The following MASP1 variants were observed in gnomAD, a reference collection of about 807,000 sequenced individuals.
MASP1 encodes MBL associated serine protease 1.
Under a neutral mutation model 77.1 loss-of-function variants are expected in MASP1, and 59 were observed. The ratio of observed to expected loss-of-function variants is 0.77; its 90% CI spans 0.62 to 0.95. The LOEUF is 0.95. Ranked by LOEUF, MASP1 falls within the 40% of genes least tolerant of loss-of-function variation. The pLI, the probability that MASP1 is intolerant of heterozygous loss-of-function variation, is 0.00. For synonymous variants in MASP1, 362 were observed against 354.5 expected (o/e 1.02, Z -0.24); for missense variants, 885 against 912.9 (o/e 0.97, Z 0.39).
In MASP1 at chr3:187,253,220, A is replaced by G. The variant is rs1714772664; in HGVS notation, c.840T>C (p.His280=). ...TQSHSVLILF[H]SDNSGENRGW... Reference sequence around the variant, plus strand: ...CCCGGTTCTCTCCCGAGTTGTCACTATGGAACAGGATCAGGACACTGTGGC... The same window carrying G: ...CCCGGTTCTCTCCCGAGTTGTCACTGTGGAACAGGATCAGGACACTGTGGC... Residue 280 remains histidine, a synonymous_variant, in exon 6 of 11, where the codon CAT becomes CAC. Transcript: ENST00000296280. 3 of 1,614,156 alleles carry G rather than the reference A, an allele frequency of 1.9e-6. No homozygotes were observed. The highest frequency in any genetic ancestry group is 1.1e-5 in the South Asian group (1 of 91,080).
At chr3:187,247,042 TC>T in intron 8 of MASP1, 2 of 1,312,354 alleles carry the variant, frequency 1.5e-6, no homozygotes, top group Non-Finnish European at 9.7e-7. Flanking sequence ...ATTTTTTTTT[TC>T]CGTTGAGAAA....
At chr3:187,261,296 C>T (rs771189724) in intron 3 of MASP1, among the ~76,000 whole-genome samples, 10 of 152,194 alleles carry the variant, frequency 6.6e-5, no homozygotes, top group African/African-American at 1.2e-4. Flanking sequence ...TAATAAGTGG[C>T]AGACCCAGGA....
chr3:187,285,186 T>C (rs1221571515), intron 2 of MASP1, among the ~76,000 whole-genome samples: 1 of 152,038 alleles, frequency 6.6e-6, no homozygotes, highest in African/African-American at 2.4e-5. Context: ...TTCTCTAAAT[T>C]CCAGGGTATA....
chr3:187,230,760 C>A (rs749213055), downstream of MASP1, among the ~76,000 whole-genome samples: 6 of 152,188 alleles, frequency 3.9e-5, no homozygotes, highest in Non-Finnish European at 5.9e-5. Flanking sequence ...CTAAAGAAAC[C>A]AAGGCCTGGA....
At chr3:187,256,990 T>C in intron 4 of MASP1, 130 bp from the exon 5 acceptor site, 5 of 775,350 alleles carry the variant, frequency 6.4e-6, no homozygotes, top group Non-Finnish European at 1.1e-5. Context: ...ATCTCCATTT[T>C]ACAGATGGGA....
intron 15 of MASP1, among the ~76,000 whole-genome samples, chr3:187,220,750 G>A (rs901389529): frequency 6.6e-6 from 1 of 151,972 alleles, no homozygotes. Flanking sequence ...CACCCGCCTC[G>A]GCCTCCCAAA....
intron 2 of MASP1, among the ~76,000 whole-genome samples, chr3:187,267,545 A>G (rs1716143017): frequency 6.6e-6 from 1 of 152,254 alleles, no homozygotes; most frequent in Non-Finnish European, 1.5e-5. Context: ...ATACAGAGAA[A>G]GAAATGTGTA....
downstream of MASP1, among the ~76,000 whole-genome samples, chr3:187,233,047 CCCT>C (rs1712866107): frequency 6.6e-6 from 1 of 152,144 alleles, no homozygotes; most frequent in Admixed American, 6.5e-5. Flanking sequence ...TTTAAACTGC[CCCT>C]CCTCCTGTCT....
At chr3:187,258,794 G>A (rs901310600) in intron 4 of MASP1, among the ~76,000 whole-genome samples, 1 of 152,194 alleles carries the variant, frequency 6.6e-6, no homozygotes, top group Non-Finnish European at 1.5e-5. Flanking sequence ...TAATTTGGCT[G>A]TTTCTGTACC....
In MASP1 at chr3:187,239,152, G is replaced by A. The variant is rs1343049589; in HGVS notation, c.1303+2329C>T. On this transcript the variant is annotated intron_variant, in intron 10 of 10. Coordinates refer to ENST00000296280, the MANE Select transcript of MASP1 (RefSeq NM_139125.4). ...GAGGTGGGGAGTTCGAGACCAGCCT[G>A]ACCAACATAGAGAAACCCCGTCTCT... 2.0e-5 allele frequency among the ~76,000 whole-genome samples: 3 copies of A among 148,552 alleles called. No individual in the cohort carries two copies. The East Asian group carries it at 5.9e-4, about 29-fold the overall frequency.
chr3:187,286,027 A>G lies in MASP1; in HGVS notation c.35T>C (p.Phe12Ser), dbSNP rs769793750. 14 of 1,614,164 alleles carry G rather than the reference A, an allele frequency of 8.7e-6. No individual in the cohort carries two copies. Among genetic ancestry groups the G allele is most frequent in the Non-Finnish European group, 1.2e-5 (14 of 1,179,998 alleles). Reference protein sequence around the residue: ...RWLLLYYALCFSLSKASAHTV... With the variant: ...RWLLLYYALCSSLSKASAHTV... ...GTGGGCTGAAGCCTTTGACAGGGAG[A>G]AGCACAGAGCATAATAGAGAAGCAG... The change falls in exon 2 of 11, where the codon TTC (phenylalanine) becomes TCC (serine). Residue 12 changes from phenylalanine to serine, a missense_variant. Coordinates refer to ENST00000296280, the MANE Select transcript of MASP1 (RefSeq NM_139125.4).
intron 1 of MASP1, among the ~76,000 whole-genome samples, chr3:187,289,002 T>C (rs1004597147): frequency 6.6e-6 from 1 of 152,170 alleles, no homozygotes; most frequent in African/African-American, 2.4e-5. Context: ...AATTGAAGAA[T>C]ATAAGTGGCA....
downstream of MASP1, among the ~76,000 whole-genome samples, chr3:187,232,514 C>T (rs764555367): frequency 2.6e-4 from 40 of 152,158 alleles, no homozygotes; most frequent in Non-Finnish European, 3.7e-4. Context: ...ATCCACCCTT[C>T]ACTAACCTTC....
chr3:187,287,597 A>T (rs1388025163), intron 1 of MASP1, among the ~76,000 whole-genome samples: 1 of 152,218 alleles, frequency 6.6e-6, no homozygotes, highest in Non-Finnish European at 1.5e-5. Flanking sequence ...AGTAAAATGG[A>T]GATTATAATA....
intron 2 of MASP1, among the ~76,000 whole-genome samples, chr3:187,274,920 G>T (rs1716838409): frequency 6.6e-6 from 1 of 151,434 alleles, no homozygotes; most frequent in Non-Finnish European, 1.5e-5. Flanking sequence ...CATCCCGCAG[G>T]TGGGAAACCA....
intron 9 of MASP1, chr3:187,242,303 G>A (rs1713714199): frequency 6.6e-6 from 1 of 152,326 alleles, no homozygotes; most frequent in African/African-American, 2.4e-5. Context: ...CTTGAGGTCA[G>A]GAGTTTGAGA....
chr3:187,231,984 C>CGA (rs1302884020), downstream of MASP1, among the ~76,000 whole-genome samples: 78 of 152,016 alleles, frequency 5.1e-4, no homozygotes, highest in African/African-American at 1.8e-3. Context: ...GAGAGAGGAC[C>CGA]GAGAGAGAGA....
intron 8 of MASP1, among the ~76,000 whole-genome samples, chr3:187,245,600 C>T (rs1418446749): frequency 1.3e-5 from 2 of 152,062 alleles, no homozygotes; most frequent in Non-Finnish European, 2.9e-5. Context: ...GGGAAAAAGC[C>T]ATGTTTCTCT....
At chr3:187,272,022 G>A (rs698101) in intron 2 of MASP1, among the ~76,000 whole-genome samples, 30,419 of 152,174 alleles carry the variant, frequency 0.2, 3,284 homozygotes, top group African/African-American at 0.28. Context: ...AGATGGCAGC[G>A]TATGGCAGGG....
Sources: allele counts gnomAD v4.1 joint callset (sites outside exome capture counted in the v4.1 genomes callset), GRCh38; gene constraint gnomAD v4.1.1; transcripts MANE v1.5; gene names NCBI Gene and HGNC (gene_info 2026-07-23, HGNC 2026-07-21).